Variants in SOX5 observed in about 807,000 individuals in gnomAD.
The protein encoded by SOX5 is SRY-box transcription factor 5.
A neutral mutation model predicts 92.0 loss-of-function variants in SOX5; 9 were observed. The ratio of observed to expected loss-of-function variants is 0.10; its 90% CI spans 0.06 to 0.17. SOX5 has a LOEUF of 0.17. SOX5 is among the 10% of genes least tolerant of loss of function. The pLI, the probability that SOX5 is intolerant of heterozygous loss-of-function variation, is 1.00. For synonymous variants in SOX5, 344 were observed against 336.3 expected, an observed-to-expected ratio of 1.02 and a Z score of -0.25; for missense variants, 642 against 944.5, an observed-to-expected ratio of 0.68 and a Z score of 4.20.
chr12:23,874,990 G>C (rs2096912496), intron 2 of SOX5, among the ~76,000 whole-genome samples: 1 of 152,190 alleles, frequency 6.6e-6, no homozygotes, highest in South Asian at 2.1e-4. Flanking sequence ...GGATATTTTA[G>C]AACAGTGAGG....
chr12:23,729,676 A>G (rs1334326920), intron 6 of SOX5, among the ~76,000 whole-genome samples: 1 of 152,170 alleles, frequency 6.6e-6, no homozygotes, highest in Admixed American at 6.6e-5. Flanking sequence ...AGATGGGGAA[A>G]TGGGGTAAAT....
intron 1 of SOX5, among the ~76,000 whole-genome samples, chr12:24,412,780 C>CTTTT (rs35640190): frequency 7.6e-6 from 1 of 132,438 alleles, no homozygotes; most frequent in African/African-American, 2.8e-5. Context: ...ATTAGATTTT[C>CTTTT]TTTTTTTTTT....
intron 4 of SOX5, among the ~76,000 whole-genome samples, chr12:24,115,575 G>A (rs1188922605): frequency 6.6e-6 from 1 of 152,176 alleles, no homozygotes; most frequent in Non-Finnish European, 1.5e-5. Flanking sequence ...GGGGAGGGAA[G>A]TATATTTACT....
At chr12:23,828,665 C>T (rs1414712611) in intron 3 of SOX5, among the ~76,000 whole-genome samples, 1 of 151,178 alleles carries the variant, frequency 6.6e-6, no homozygotes, top group Non-Finnish European at 1.5e-5. Context: ...TTATATCATA[C>T]ATGACTTCTA....
intron 1 of SOX5, among the ~76,000 whole-genome samples, chr12:24,533,123 C>T (rs1196904860): frequency 6.6e-6 from 1 of 152,066 alleles, no homozygotes; most frequent in African/African-American, 2.4e-5. Flanking sequence ...TATATAGATG[C>T]ATTTCTAGGT....
intron 3 of SOX5, among the ~76,000 whole-genome samples, chr12:24,245,605 C>T (rs1216428072): frequency 1.3e-5 from 2 of 152,000 alleles, no homozygotes; most frequent in African/African-American, 4.8e-5. Flanking sequence ...TCTTTGCCAG[C>T]TTGGGGGTAG....
At chr12:24,377,820 C>T (rs1208192443) in intron 1 of SOX5, among the ~76,000 whole-genome samples, 2 of 152,194 alleles carry the variant, frequency 1.3e-5, no homozygotes, top group East Asian at 1.9e-4. Context: ...TAGAACCATC[C>T]CTGGTACCCA....
intron 4 of SOX5, among the ~76,000 whole-genome samples, chr12:24,106,011 T>A (rs985269758): frequency 4.6e-5 from 7 of 152,106 alleles, no homozygotes; most frequent in Admixed American, 1.3e-4. Context: ...CTTGGGATAG[T>A]CAAAGATGTC....
chr12:24,189,746 T>C (rs1277273165), intron 4 of SOX5, among the ~76,000 whole-genome samples: 1 of 152,218 alleles, frequency 6.6e-6, no homozygotes, highest in East Asian at 1.9e-4. Context: ...TCTTTCTCAT[T>C]GGCTCTATGC....
intron 6 of SOX5, among the ~76,000 whole-genome samples, chr12:23,691,305 T>C (rs2088757637): frequency 6.6e-6 from 1 of 152,236 alleles, no homozygotes; most frequent in African/African-American, 2.4e-5. Flanking sequence ...ATTATCACAA[T>C]TCTAGCCTTT....
intron 4 of SOX5, among the ~76,000 whole-genome samples, chr12:24,062,784 G>A (rs1221803103): frequency 6.6e-6 from 1 of 152,230 alleles, no homozygotes; most frequent in African/African-American, 2.4e-5. Context: ...AGGGAATTAT[G>A]AGATGGGATG....
At chr12:23,872,982 C>T (rs1192705524) in intron 2 of SOX5, among the ~76,000 whole-genome samples, 1 of 152,164 alleles carries the variant, frequency 6.6e-6, no homozygotes, top group Non-Finnish European at 1.5e-5. Context: ...GTCAAAATGA[C>T]CATTGTTCTC....
chr12:23,851,138 A>G (rs1485449660), intron 2 of SOX5, among the ~76,000 whole-genome samples: 1 of 152,128 alleles, frequency 6.6e-6, no homozygotes, highest in Non-Finnish European at 1.5e-5. Flanking sequence ...ATAAAAGTTT[A>G]TTTAAGGTAT....
intron 3 of SOX5, among the ~76,000 whole-genome samples, chr12:24,262,035 A>G (rs1942171675): frequency 6.6e-6 from 1 of 152,218 alleles, no homozygotes; most frequent in Non-Finnish European, 1.5e-5. Context: ...TTTAGTAGTG[A>G]ATGGCAAAAA....
intron 1 of SOX5, among the ~76,000 whole-genome samples, chr12:23,945,377 T>G (rs562240622): frequency 3.9e-5 from 6 of 152,274 alleles, no homozygotes; most frequent in Admixed American, 3.9e-4. Flanking sequence ...TCATAATATT[T>G]GCACATTTCT....
At chr12:23,630,568 A>G (rs2078403591) in intron 8 of SOX5, among the ~76,000 whole-genome samples, 1 of 152,066 alleles carries the variant, frequency 6.6e-6, no homozygotes, top group Admixed American at 6.6e-5. Flanking sequence ...TCTACTAATA[A>G]CAATTATTAA....
intron 1 of SOX5, among the ~76,000 whole-genome samples, chr12:24,405,097 T>C (rs1225064604): frequency 6.6e-6 from 1 of 152,172 alleles, no homozygotes; most frequent in Non-Finnish European, 1.5e-5. Flanking sequence ...CTGACTTCTA[T>C]CCTCTGGAAC....
chr12:24,504,843 C>A (rs1948563319), intron 1 of SOX5, among the ~76,000 whole-genome samples: 1 of 152,178 alleles, frequency 6.6e-6, no homozygotes, highest in African/African-American at 2.4e-5. Flanking sequence ...GCAAGGTGCA[C>A]TTACAATATT....
At chr12:23,918,951 GCCC>G (rs1409777489) in intron 1 of SOX5, among the ~76,000 whole-genome samples, 1 of 151,174 alleles carries the variant, frequency 6.6e-6, no homozygotes, top group East Asian at 1.9e-4. Flanking sequence ...AAGAAAAATG[GCCC>G]CCAATTCTTC....
Sources: gnomAD v4.1 joint callset for allele counts (sites outside exome capture counted in the v4.1 genomes callset) on GRCh38, gnomAD v4.1.1 for gene constraint, MANE v1.5 for transcripts, NCBI Gene and HGNC (gene_info 2026-07-23, HGNC 2026-07-21) for gene names.